ABCA13: variants seen among roughly 807,000 people sequenced by gnomAD.
The protein encoded by ABCA13 is ATP-binding cassette sub-family A member 13.
Under a neutral mutation model 478.7 loss-of-function variants are expected in ABCA13, and 476 were observed. The ratio of observed to expected loss-of-function variants is 0.99; its 90% CI spans 0.92 to 1.07. ABCA13 has a LOEUF of 1.07. Among genes scored for constraint, ABCA13 ranks in the 50% least tolerant of loss-of-function variants. The probability of loss-of-function intolerance (pLI) is 0.00; values close to 1 mark genes in which losing one functional copy is unlikely to be tolerated. For synonymous variants in ABCA13, 2,252 were observed against 2,158.9 expected, an observed-to-expected ratio of 1.04 and a Z score of -1.20; for missense variants, 6,060 against 5,910.6, an observed-to-expected ratio of 1.03 and a Z score of -0.83.
At chr7:48,628,890 A>T (rs1793910739) in intron 59 of ABCA13, among the ~76,000 whole-genome samples, 2 of 152,228 alleles carry the variant, frequency 1.3e-5, no homozygotes, top group South Asian at 4.1e-4. Context: ...GTAAAAGACG[A>T]ATCAGATGAG....
intron 27 of ABCA13, among the ~76,000 whole-genome samples, chr7:48,334,713 T>C (rs1212317984): frequency 6.6e-6 from 1 of 152,188 alleles, no homozygotes; most frequent in Non-Finnish European, 1.5e-5. Flanking sequence ...GCTTTTCAGC[T>C]CCTGTGCCAT....
chr7:48,619,109 G>A (rs1586004183), intron 59 of ABCA13, among the ~76,000 whole-genome samples: 1 of 152,202 alleles, frequency 6.6e-6, no homozygotes, highest in South Asian at 2.1e-4. Flanking sequence ...TGTGCCAAGG[G>A]TTCTGAAGTC....
At chr7:48,186,303 A>G (rs1796339067) in intron 1 of ABCA13, among the ~76,000 whole-genome samples, 1 of 151,930 alleles carries the variant, frequency 6.6e-6, no homozygotes, top group Non-Finnish European at 1.5e-5. Context: ...TTCCTGAGAG[A>G]TTGTTTTTCT....
intron 55 of ABCA13, among the ~76,000 whole-genome samples, chr7:48,556,946 T>C (rs1785897100): frequency 6.6e-6 from 1 of 152,082 alleles, no homozygotes; most frequent in Non-Finnish European, 1.5e-5. Context: ...TTTATTTTGT[T>C]GTTTATCTGT....
intron 27 of ABCA13, among the ~76,000 whole-genome samples, chr7:48,323,377 C>T (rs966282233): frequency 2.6e-5 from 4 of 152,184 alleles, no homozygotes; most frequent in African/African-American, 7.2e-5. Context: ...CAAAGACATT[C>T]TGGTGTTAAA....
At chr7:48,499,843 C>T (rs2130800965) in intron 48 of ABCA13, among the ~76,000 whole-genome samples, 1 of 152,282 alleles carries the variant, frequency 6.6e-6, no homozygotes, top group East Asian at 1.9e-4. Flanking sequence ...ATCATTGTCT[C>T]AAGATTCTAT....
In ABCA13 at chr7:48,273,688, G is replaced by A. The variant is rs760242282; in HGVS notation, c.4022G>A (p.Arg1341Gln). ...TTTCTTAGAAATGTATCACATGATC[G>A]AGATTTGTTTTCCTGTGCTGATATT... ...IVFLRNVSHD[R>Q]DLFSCADIFQ... Residue 1341 changes from arginine to glutamine, a missense_variant, in exon 17 of 62, where the codon CGA (arginine) becomes CAA (glutamine). Arg to Gln is a conservative substitution (Grantham distance 43, BLOSUM62 1). Around this residue, in one of 3 missense-constraint regions of ABCA13, gnomAD observed 4,423 missense variants for 4,309.1 expected, o/e 1.03. Transcript: ENST00000435803. 11 of 1,607,746 alleles carry A rather than the reference G, an allele frequency of 6.8e-6. No homozygotes were observed. The highest frequency in any genetic ancestry group is 2.2e-5 in the East Asian group (1 of 44,748).
intron 41 of ABCA13, 126 bp from the exon 42 acceptor site, chr7:48,427,640 A>C: frequency 1.6e-6 from 1 of 636,368 alleles, no homozygotes; most frequent in Non-Finnish European, 2.8e-6. Context: ...GGATGGCTAA[A>C]TGAAATATAT....
intron 15 of ABCA13, among the ~76,000 whole-genome samples, chr7:48,260,999 T>C (rs77690206): frequency 0.041 from 6,207 of 150,582 alleles, 386 homozygotes; most frequent in African/African-American, 0.14. Context: ...TAAAATGTCT[T>C]TTTTTTTTAC....
intron 42 of ABCA13, among the ~76,000 whole-genome samples, chr7:48,435,640 T>C (rs1477382455): frequency 1.3e-5 from 2 of 151,812 alleles, no homozygotes; most frequent in African/African-American, 4.8e-5. Flanking sequence ...AGTACAATAT[T>C]GGGTGTGGGT....
intron 59 of ABCA13, among the ~76,000 whole-genome samples, chr7:48,620,420 G>A (rs1424757657): frequency 6.6e-6 from 1 of 152,154 alleles, no homozygotes; most frequent in Non-Finnish European, 1.5e-5. Flanking sequence ...CTTCGTTTCT[G>A]CAGCTCAGCA....
At chr7:48,346,499 A>G (rs1262593089) in intron 29 of ABCA13, among the ~76,000 whole-genome samples, 1 of 151,482 alleles carries the variant, frequency 6.6e-6, no homozygotes, top group East Asian at 1.9e-4. Context: ...AACAATCTCC[A>G]CTTCTCCATT....
rs572252475 is a variant in ABCA13 at position 48,575,685 on chromosome 7, A to T, written c.14355-4539A>T. On this transcript the variant is annotated intron_variant, in intron 55 of 61. Coordinates refer to ENST00000435803, the MANE Select transcript of ABCA13 (RefSeq NM_152701.5). ...TGTGGGTCAGAGATGTGGAACATGA[A>T]AAAATGAAACAAAAACTCTACTGAA... Among the ~76,000 whole-genome samples, 9 of 152,328 alleles carry T rather than the reference A, an allele frequency of 5.9e-5. No homozygotes were observed. The East Asian group carries it at 1.2e-3, about 20-fold the overall frequency.
At chr7:48,365,456 G>C (rs925142186) in intron 31 of ABCA13, among the ~76,000 whole-genome samples, 2 of 152,082 alleles carry the variant, frequency 1.3e-5, no homozygotes, top group African/African-American at 4.8e-5. Context: ...TTTGTTGTCT[G>C]TGCTTTTGAG....
Position 48,279,554 on chromosome 7 carries a change from G to A in ABCA13, c.8360G>A (p.Ser2787Asn), listed in dbSNP as rs1200414771. 5.6e-6 allele frequency: 9 copies of A among 1,613,420 alleles called. No homozygotes were observed. The highest frequency in any genetic ancestry group is 1.3e-5 in the African/African-American group (1 of 74,910). Residue 2787 changes from serine to asparagine, a missense_variant, in exon 18 of 62, where the codon AGT becomes AAT. This residue lies in a region of ABCA13 where 4,423 missense variants were observed against 4,309.1 expected (regional missense o/e 1.03). Coordinates refer to ENST00000435803, the MANE Select transcript of ABCA13 (RefSeq NM_152701.5). ...TVLEASSGIK[S>N]DYEGDLNKSL... ...TTAGAGGCCTCCAGTGGAATTAAAA[G>A]TGACTATGAAGGTGATTTGAATAAA...
chr7:48,583,732 G>A (rs1434160043), intron 56 of ABCA13, among the ~76,000 whole-genome samples: 2 of 152,176 alleles, frequency 1.3e-5, no homozygotes, highest in Non-Finnish European at 2.9e-5. Flanking sequence ...TTGACATTTT[G>A]GGATTTTAGG....
At chr7:48,238,555 G>A (rs1031137367) in intron 8 of ABCA13, among the ~76,000 whole-genome samples, 6 of 150,784 alleles carry the variant, frequency 4.0e-5, no homozygotes, top group East Asian at 3.9e-4. Context: ...TGCAAGCTCC[G>A]CCTCCTGGGT....
intron 55 of ABCA13, among the ~76,000 whole-genome samples, chr7:48,564,743 C>T (rs887461372): frequency 6.6e-6 from 1 of 151,648 alleles, no homozygotes; most frequent in Non-Finnish European, 1.5e-5. Flanking sequence ...GTTTAAAAAC[C>T]TCCCTGACAA....
intron 59 of ABCA13, among the ~76,000 whole-genome samples, chr7:48,635,182 G>C (rs1586055145): frequency 8.0e-6 from 1 of 125,034 alleles, no homozygotes; most frequent in Non-Finnish European, 1.6e-5. Context: ...CAGTTATTAA[G>C]AACACCCTTA....
Sources: allele counts gnomAD v4.1 joint callset (sites outside exome capture counted in the v4.1 genomes callset), GRCh38; gene constraint gnomAD v4.1.1; regional missense constraint gnomAD v4.1.1; transcripts MANE v1.5; gene names NCBI Gene and HGNC (gene_info 2026-07-23, HGNC 2026-07-21).